The following GIMAP8 variants were observed in gnomAD, a reference collection of about 807,000 sequenced individuals.
The protein encoded by GIMAP8 is GTPase IMAP family member 8.
In GIMAP8, 29 loss-of-function variants were observed where a neutral mutation model predicts 35.6. The ratio of observed to expected loss-of-function variants is 0.81; its 90% CI spans 0.61 to 1.11. The LOEUF is 1.11. Ranked by LOEUF, GIMAP8 falls within the 50% of genes most tolerant of loss-of-function variation. GIMAP8 has a pLI of 0.00. For missense variants in GIMAP8, 811 were observed against 805.0 expected (o/e 1.01, Z -0.09); for synonymous variants, 335 against 308.7 (o/e 1.09, Z -0.89).
At chr7:150,462,528 G>T (rs1011392264) in intron 1 of GIMAP8, among the ~76,000 whole-genome samples, 2 of 152,200 alleles carry the variant, frequency 1.3e-5, no homozygotes, top group Non-Finnish European at 2.9e-5. Flanking sequence ...GGTTGGTCCA[G>T]TGGTAATAGA....
intron 3 of GIMAP8, 35 bp from the exon 4 acceptor site, chr7:150,473,977 G>A (rs201606835): frequency 1.9e-6 from 3 of 1,573,362 alleles, no homozygotes; most frequent in Middle Eastern, 2.2e-4. Context: ...TTCAACTGCA[G>A]GAAGAGACTC....
Position 150,477,809 on chromosome 7 carries a change from T to C in GIMAP8, c.*29T>C. ...GCCGAAGTGCCTGGGGTCTCTTCAA[T>C]TAGAGACACCCTCAGGTTGGGGGGA... is the stretch of plus-strand genomic sequence containing the variant. On this transcript the variant is annotated 3_prime_UTR_variant, in exon 5 of 5. Transcript: ENST00000307271. 6.4e-7 allele frequency: 1 copy of C among 1,551,082 alleles called. No individual in the cohort carries two copies. Among genetic ancestry groups the C allele is most frequent in the Non-Finnish European group, 8.8e-7 (1 of 1,132,720 alleles).
rs111448721 is a variant in GIMAP8, at chr7:150,474,502, G to C, written c.1173G>C (p.Lys391Asn). 5.0e-6 allele frequency: 8 copies of C among 1,613,856 alleles called. No individual in the cohort carries two copies. The highest frequency in any genetic ancestry group is 5.9e-6 in the Non-Finnish European group (7 of 1,179,824). The change falls in exon 4 of 5, where the codon AAG becomes AAC. Residue 391 changes from lysine to asparagine, a missense_variant. Transcript: ENST00000307271. ...SNKALYGLIQ[K>N]CKNRYSAFNY... ...AAGCTCTCTATGGTCTCATCCAGAA[G>C]TGTAAAAACAGATATAGTGCCTTCA...
intron 1 of GIMAP8, among the ~76,000 whole-genome samples, chr7:150,461,197 A>G (rs1801837582): frequency 6.6e-6 from 1 of 152,254 alleles, no homozygotes; most frequent in Admixed American, 6.5e-5. Flanking sequence ...AAGAAAGTGC[A>G]TTGTGTAGCT....
chr7:150,471,298 T>A (rs1482259750), intron 3 of GIMAP8, among the ~76,000 whole-genome samples: 1 of 152,242 alleles, frequency 6.6e-6, no homozygotes, highest in East Asian at 1.9e-4. Flanking sequence ...TAATGATAGA[T>A]CCTGCACATC....
chr7:150,455,935 GGT>G (rs1308383604), intron 1 of GIMAP8, among the ~76,000 whole-genome samples: 4 of 152,156 alleles, frequency 2.6e-5, no homozygotes, highest in Non-Finnish European at 5.9e-5. Context: ...TGGTGGCACA[GGT>G]TGACTTTTTG....
At chr7:150,473,190 T>G (rs2116614214) in intron 3 of GIMAP8, among the ~76,000 whole-genome samples, 1 of 152,264 alleles carries the variant, frequency 6.6e-6, no homozygotes, top group South Asian at 2.1e-4. Flanking sequence ...TTTTGCTCAG[T>G]TCATAGGTCT....
At position 150,475,583 on chromosome 7, in the gene GIMAP8, T is replaced by G. The variant is rs143536804; in HGVS notation, c.1309+945T>G. Among the ~76,000 whole-genome samples, 5 of 152,312 alleles carry G rather than the reference T, an allele frequency of 3.3e-5. No individual in the cohort carries two copies. In the East Asian group the frequency reaches 9.6e-4, roughly 29 times the overall value. On this transcript the variant is annotated intron_variant, in intron 4 of 4. Transcript: ENST00000307271. ...TACTTAAGAAGGGCTCCTCATCCAC[T>G]TAGTGCTACACGTTCAGTTGACCTA... is the stretch of plus-strand genomic sequence containing the variant.
chr7:150,477,252 G>C lies in GIMAP8; in HGVS notation c.1470G>C (p.Val490=). The change falls in exon 5 of 5, where the codon GTG becomes GTC. Residue 490 remains valine, a synonymous_variant. Coordinates refer to ENST00000307271, the MANE Select transcript of GIMAP8 (RefSeq NM_175571.4). ...GGACATGGGACGGACAGGAGGTGGT[G>C]GTTGTGGACACTCCTTCCTTCAACC... ...GRRTWDGQEV[V]VVDTPSFNQM... 3 of 1,614,096 alleles carry C rather than the reference G, an allele frequency of 1.9e-6. No homozygotes were observed. The highest frequency in any genetic ancestry group is 2.5e-6 in the Non-Finnish European group (3 of 1,180,018).
chr7:150,470,929 T>A, intron 3 of GIMAP8, 55 bp downstream of exon 3: 4 of 1,247,854 alleles, frequency 3.2e-6, no homozygotes, highest in Non-Finnish European at 4.7e-6. Flanking sequence ...TTGAATGCAT[T>A]CTGCAGCCAA....
intron 1 of GIMAP8, among the ~76,000 whole-genome samples, chr7:150,457,016 C>T (rs1206976266): frequency 6.6e-6 from 1 of 152,202 alleles, no homozygotes; most frequent in Non-Finnish European, 1.5e-5. Context: ...GACACAGACA[C>T]AGAAACAGAG....
intron 1 of GIMAP8, among the ~76,000 whole-genome samples, chr7:150,462,838 C>T (rs1801869685): frequency 6.6e-6 from 1 of 152,132 alleles, no homozygotes; most frequent in African/African-American, 2.4e-5. Context: ...TGGATTGAAT[C>T]TATTTGAGAA....
intron 1 of GIMAP8, among the ~76,000 whole-genome samples, chr7:150,452,558 CATATAT>C (rs1377844565): frequency 7.2e-6 from 1 of 139,816 alleles, no homozygotes; most frequent in Non-Finnish European, 1.5e-5. Flanking sequence ...ACTTCACTTG[CATATAT>C]ATGTGTGTGT....
At chr7:150,466,466 A>G (rs1393003487) in intron 1 of GIMAP8, among the ~76,000 whole-genome samples, 1 of 152,152 alleles carries the variant, frequency 6.6e-6, no homozygotes, top group Non-Finnish European at 1.5e-5. Flanking sequence ...GAACTAAAAG[A>G]GATCTCTAGG....
In GIMAP8 at chr7:150,477,150, C is replaced by G. The variant is rs140969132; in HGVS notation, c.1368C>G (p.Asn456Lys). 64 of 1,613,784 alleles carry G rather than the reference C, an allele frequency of 4.0e-5. No individual in the cohort carries two copies. Among genetic ancestry groups the G allele is most frequent in the Non-Finnish European group, 5.2e-5 (61 of 1,179,848 alleles). The change falls in exon 5 of 5, where the codon AAC becomes AAG. Residue 456 changes from asparagine to lysine, a missense_variant. Coordinates refer to ENST00000307271, the MANE Select transcript of GIMAP8 (RefSeq NM_175571.4). ...GGACTGGGAAGAGTGCGACCGGGAA[C>G]TCTATCCTGGGGAGCCTCGTCTTCA... ...RSGTGKSATG[N>K]SILGSLVFTS...
rs1046928831 is a variant in GIMAP8, at chr7:150,474,719, T to C, written c.1309+81T>C. The C allele has an allele frequency of 9.0e-6, 8 of 892,222 alleles. No individual in the cohort carries two copies. The Admixed American group carries it at 1.5e-4, about 16-fold the overall frequency. 55.3% of individuals were successfully genotyped at this position (892,222 alleles called of 1,614,324 possible). A position where few individuals can be genotyped will look rare whatever the true frequency, so the allele number is the denominator to read the frequency against. On this transcript the variant is annotated intron_variant, in intron 4 of 4. Coordinates refer to ENST00000307271, the MANE Select transcript of GIMAP8 (RefSeq NM_175571.4). ...AAATATATAAGAACTTTTTATTTTC[T>C]TTTTTTTCTTTTTTTTTATTATACT...
At chr7:150,473,970 A>T in intron 3 of GIMAP8, 42 bp from the exon 4 acceptor site, 1 of 1,562,938 alleles carries the variant, frequency 6.4e-7, no homozygotes, top group South Asian at 1.2e-5. Flanking sequence ...ATCCATATTC[A>T]ACTGCAGGAA....
At chr7:150,462,450 C>A (rs1045896149) in intron 1 of GIMAP8, among the ~76,000 whole-genome samples, 1 of 152,160 alleles carries the variant, frequency 6.6e-6, no homozygotes, top group African/African-American at 2.4e-5. Flanking sequence ...GTACTTTGTG[C>A]ATTTTCATGG....
rs1802177153 is a variant in GIMAP8 at position 150,474,515 on chromosome 7, T to C, written c.1186T>C (p.Tyr396His). ...YGLIQKCKNR[Y>H]SAFNYRATGE... ...TCTCATCCAGAAGTGTAAAAACAGA[T>C]ATAGTGCCTTCAACTACCGGGCAAC... The change falls in exon 4 of 5, where the codon TAT becomes CAT. Residue 396 changes from tyrosine to histidine, a missense_variant. Coordinates refer to ENST00000307271, the MANE Select transcript of GIMAP8 (RefSeq NM_175571.4). The C allele has an allele frequency of 1.9e-6, 3 of 1,577,502 alleles. No individual in the cohort carries two copies. The highest frequency in any genetic ancestry group is 1.1e-5 in the South Asian group (1 of 90,840).
Sources: gnomAD v4.1 joint callset for allele counts (sites outside exome capture counted in the v4.1 genomes callset) on GRCh38, gnomAD v4.1.1 for gene constraint, MANE v1.5 for transcripts, NCBI Gene and HGNC (gene_info 2026-07-23, HGNC 2026-07-21) for gene names.